Variants in ACSF2 observed in about 807,000 individuals in gnomAD.
ACSF2 encodes medium-chain acyl-CoA ligase ACSF2, mitochondrial.
Under a neutral mutation model 79.3 loss-of-function variants are expected in ACSF2, and 52 were observed. The observed-to-expected ratio is 0.66, with a 90% confidence interval of 0.53 to 0.83. The LOEUF (loss-of-function observed/expected upper bound fraction) is 0.83. Among genes scored for constraint, ACSF2 ranks in the 40% least tolerant of loss-of-function variants. ACSF2 has a pLI of 0.00. For missense variants in ACSF2, 661 were observed against 803.3 expected, an observed-to-expected ratio of 0.82 and a Z score of 2.14; for synonymous variants, 283 against 312.6, an observed-to-expected ratio of 0.91 and a Z score of 1.00.
chr17:50,474,437 G>T lies in ACSF2; in HGVS notation c.1798-65G>T. 1 of 1,578,286 alleles carries T rather than the reference G, an allele frequency of 6.3e-7. No homozygotes were observed. The highest frequency in any genetic ancestry group is 1.1e-5 in the South Asian group (1 of 90,200). ...CCCTGTTTTGGCACTAAGAGCCTGA[G>T]AAACCCCTTATTCTTGGGTGAACCA... On this transcript the variant is annotated intron_variant, in intron 15 of 15. Coordinates refer to ENST00000300441, the MANE Select transcript of ACSF2 (RefSeq NM_025149.6). This position sits in a 1 kb window ranked among gnomAD's most constrained non-coding sequence, Gnocchi z 4.2.
At chr17:50,455,139 C>T (rs755339206) in intron 1 of ACSF2, among the ~76,000 whole-genome samples, 7 of 152,148 alleles carry the variant, frequency 4.6e-5, no homozygotes, top group South Asian at 2.1e-4. Context: ...TGCACCACCA[C>T]GCCTGTTTTA....
chr17:50,429,894 C>G (rs374445333), intron 1 of ACSF2, among the ~76,000 whole-genome samples: 4 of 152,330 alleles, frequency 2.6e-5, no homozygotes, highest in East Asian at 3.9e-4. Context: ...CTCCTTCCCC[C>G]TATCTATGTG....
intron 1 of ACSF2, among the ~76,000 whole-genome samples, chr17:50,429,181 G>A (rs924204402): frequency 6.6e-6 from 1 of 152,216 alleles, no homozygotes; most frequent in Non-Finnish European, 1.5e-5. Flanking sequence ...GTATGACCTC[G>A]GGCATGTTAT....
At chr17:50,460,472 G>A (rs913214395) in intron 1 of ACSF2, 1 of 593,794 alleles carries the variant, frequency 1.7e-6, no homozygotes, top group African/African-American at 1.9e-5. Flanking sequence ...GTGTAACCTT[G>A]TCCCTGTCCT....
intron 1 of ACSF2, among the ~76,000 whole-genome samples, chr17:50,437,611 A>G (rs1452053054): frequency 6.6e-6 from 1 of 151,944 alleles, no homozygotes; most frequent in Non-Finnish European, 1.5e-5. Context: ...GGCCGTGATC[A>G]CGCCATTGCA....
intron 1 of ACSF2, among the ~76,000 whole-genome samples, chr17:50,436,421 G>T (rs534316537): frequency 2.1e-4 from 31 of 150,958 alleles, no homozygotes; most frequent in Non-Finnish European, 4.3e-4. Context: ...GAGCCACCAC[G>T]CCCGGCCTGT....
intron 1 of ACSF2, among the ~76,000 whole-genome samples, chr17:50,442,502 G>T (rs1482110276): frequency 2.0e-5 from 3 of 151,860 alleles, no homozygotes. Context: ...GTCTTTCTCG[G>T]TCACCCAGGC....
intron 1 of ACSF2, among the ~76,000 whole-genome samples, chr17:50,431,832 C>G (rs1239287481): frequency 6.6e-6 from 1 of 152,186 alleles, no homozygotes; most frequent in Non-Finnish European, 1.5e-5. Flanking sequence ...TGGAGCCAGG[C>G]AGATCTGGAT....
chr17:50,445,132 C>T (rs950195651), intron 1 of ACSF2, among the ~76,000 whole-genome samples: 2 of 152,058 alleles, frequency 1.3e-5, no homozygotes, highest in African/African-American at 4.8e-5. Context: ...CCAGGCTGGT[C>T]GTGAACTCCT....
At chr17:50,451,681 C>T (rs1450574762) in intron 1 of ACSF2, among the ~76,000 whole-genome samples, 1 of 152,182 alleles carries the variant, frequency 6.6e-6, no homozygotes, top group African/African-American at 2.4e-5. Context: ...AACTCCTGAC[C>T]TCTGGTGATC....
intron 1 of ACSF2, among the ~76,000 whole-genome samples, chr17:50,431,495 G>A (rs771850501): frequency 6.6e-6 from 1 of 152,194 alleles, no homozygotes; most frequent in Non-Finnish European, 1.5e-5. Flanking sequence ...TAGGTCTGCA[G>A]TTTGAAGCCT....
At chr17:50,468,682 C>G in intron 10 of ACSF2, 2 of 1,614,002 alleles carry the variant, frequency 1.2e-6, no homozygotes, top group Non-Finnish European at 1.7e-6. Flanking sequence ...TGGGGATCTT[C>G]TGCAGCCCCA....
chr17:50,433,188 C>G (rs146925774), intron 1 of ACSF2, among the ~76,000 whole-genome samples: 2 of 150,780 alleles, frequency 1.3e-5, no homozygotes, highest in Non-Finnish European at 2.9e-5. Context: ...CTCACTGTAA[C>G]CTCCGCCTCC....
intron 10 of ACSF2, among the ~76,000 whole-genome samples, chr17:50,470,577 C>T (rs773639382): frequency 1.5e-4 from 23 of 152,152 alleles, no homozygotes; most frequent in Non-Finnish European, 2.9e-4. Context: ...CCTAGCTGGG[C>T]CAAGGCAGGC....
At chr17:50,462,918 T>A in intron 6 of ACSF2, 1 of 582,304 alleles carries the variant, frequency 1.7e-6, no homozygotes, top group South Asian at 2.2e-5. Flanking sequence ...CAAGCCAGCT[T>A]GTGGGTGGCA....
chr17:50,464,653 G>A, intron 10 of ACSF2: 1 of 480,916 alleles, frequency 2.1e-6, no homozygotes, highest in Non-Finnish European at 4.1e-6. Context: ...TGGAAGCAAG[G>A]GGTGGGGCAA....
rs1468606891 is a variant in ACSF2 at position 50,465,484 on chromosome 17, T to G, written c.1215+1190T>G. ...CTGGGGCTGGGGAAGAAGGTGGGAG[T>G]GCTGGGGGGAAGGGCAGTGAACTAT... On this transcript the variant is annotated intron_variant, in intron 10 of 15. Transcript: ENST00000300441. 4 of 1,605,726 alleles carry G rather than the reference T, an allele frequency of 2.5e-6. No homozygotes were observed. The African/African-American group carries it at 4.1e-5, about 16-fold the overall frequency.
intron 1 of ACSF2, among the ~76,000 whole-genome samples, chr17:50,451,300 A>G (rs1262666404): frequency 6.6e-6 from 1 of 152,160 alleles, no homozygotes; most frequent in Non-Finnish European, 1.5e-5. Context: ...TAGGAGTGGA[A>G]TTGCTGGGTT....
chr17:50,444,448 C>T (rs1034370046), intron 1 of ACSF2, among the ~76,000 whole-genome samples: 5 of 151,656 alleles, frequency 3.3e-5, no homozygotes, highest in Admixed American at 6.6e-5. Flanking sequence ...CCAGCTACTC[C>T]GGAGGGTGAG....
Sources: allele counts gnomAD v4.1 joint callset (sites outside exome capture counted in the v4.1 genomes callset), GRCh38; gene constraint gnomAD v4.1.1; non-coding constraint Gnocchi (gnomAD v3.1); transcripts MANE v1.5; gene names NCBI Gene and HGNC (gene_info 2026-07-23, HGNC 2026-07-21).